RASA2: variants seen among roughly 807,000 people sequenced by gnomAD.
The protein encoded by RASA2 is RAS p21 protein activator 2, also known as ras GTPase-activating protein 2.
Under a neutral mutation model 118.2 loss-of-function variants are expected in RASA2, and 155 were observed. The ratio of observed to expected loss-of-function variants is 1.31; its 90% CI spans 1.15 to 1.50. The LOEUF (loss-of-function observed/expected upper bound fraction) is 1.50, where lower values mean the gene tolerates loss of function less well. Among genes scored for constraint, RASA2 ranks in the 40% most tolerant of loss-of-function variants. The pLI, the probability that RASA2 is intolerant of heterozygous loss-of-function variation, is 0.00. For synonymous variants in RASA2, 353 were observed against 349.1 expected (o/e 1.01, Z -0.12); for missense variants, 1,016 against 1,009.6 (o/e 1.01, Z -0.09).
intron 5 of RASA2, among the ~76,000 whole-genome samples, chr3:141,546,935 C>T (rs2082494630): frequency 6.6e-6 from 1 of 152,078 alleles, no homozygotes. Context: ...TTTTTCCCAG[C>T]ACCATTTATT....
chr3:141,610,047 A>C lies in RASA2; in HGVS notation c.2500A>C (p.Ser834Arg). The change falls in exon 23 of 24, where the codon AGT becomes CGT. Residue 834 changes from serine to arginine, a missense_variant. Physicochemically the swap from Ser to Arg is moderately radical, Grantham distance 110. Around this residue, in one of 2 missense-constraint regions of RASA2, gnomAD observed 120 missense variants for 173.2 expected, o/e 0.69. Transcript: ENST00000286364. ...HEKYRKKRSS[S>R]AKYGSKENPI... ...AAAATATAGGAAGAAAAGATCCAGT[A>C]GTGCAAAATATGGGAGCAAGTGAGT... 1 of 1,589,680 alleles carries C rather than the reference A, an allele frequency of 6.3e-7. No homozygotes were observed. The highest frequency in any genetic ancestry group is 8.5e-7 in the Non-Finnish European group (1 of 1,169,662).
chr3:141,573,967 C>G lies in RASA2; in HGVS notation c.1383C>G (p.Asp461Glu). The change falls in exon 14 of 24, where the codon GAC becomes GAG. Residue 461 changes from aspartate (D) to glutamate (E), a missense_variant. Coordinates refer to ENST00000286364, the MANE Select transcript of RASA2 (RefSeq NM_006506.5). ...NNKENLRYYV[D>E]KLFNTIVKSS... ...AGGAGAATCTGCGCTACTATGTAGA[C>G]AAGTTATTCAATACAATTGTAAAAT... The G allele has an allele frequency of 6.3e-7, 1 of 1,586,294 alleles. No individual in the cohort carries two copies. The highest frequency in any genetic ancestry group is 8.6e-7 in the Non-Finnish European group (1 of 1,162,778).
chr3:141,580,085 A>AATATATAT (rs1207351331), intron 15 of RASA2, among the ~76,000 whole-genome samples: 213 of 59,544 alleles, frequency 3.6e-3, no homozygotes, highest in South Asian at 0.011. Flanking sequence ...AAAAAAAAAA[A>AATATATAT]ATATATATAT....
At chr3:141,581,028 T>C (rs2083105486) in intron 16 of RASA2, 72 bp from the exon 17 acceptor site, 1 of 1,401,048 alleles carries the variant, frequency 7.1e-7, no homozygotes, top group Non-Finnish European at 9.3e-7. Context: ...AATCCTCAGC[T>C]TAAAAATACA....
In RASA2 at chr3:141,613,236, G is replaced by C. The variant is rs550922577; in HGVS notation, c.*923G>C. ...TGATCTTCCTCGAGAACAGTCACTT[G>C]GCGCACTTTAATAATCTGGACTGCT... is the stretch of plus-strand genomic sequence containing the variant. On this transcript the variant is annotated 3_prime_UTR_variant, in exon 24 of 24. Coordinates refer to ENST00000286364, the MANE Select transcript of RASA2 (RefSeq NM_006506.5). 1 of 152,256 alleles carries C rather than the reference G, an allele frequency of 6.6e-6. No individual in the cohort carries two copies. Among genetic ancestry groups the C allele is most frequent in the African/African-American group, 2.4e-5 (1 of 41,544 alleles). The allele number at this position is 152,256 out of a possible 1,614,324, so 9.4% of individuals were successfully genotyped here.
At chr3:141,597,733 A>AG in intron 19 of RASA2, among the ~76,000 whole-genome samples, 1 of 152,326 alleles carries the variant, frequency 6.6e-6, no homozygotes, top group South Asian at 2.1e-4. Flanking sequence ...TGGCAAAAAT[A>AG]AAGATGAGAG....
chr3:141,557,184 G>A (rs2082663002), intron 7 of RASA2, among the ~76,000 whole-genome samples: 2 of 152,314 alleles, frequency 1.3e-5, no homozygotes, highest in African/African-American at 4.8e-5. Context: ...AGGAGTACTT[G>A]TTAGGCCTTG....
At chr3:141,567,817 T>C (rs1250109668) in intron 9 of RASA2, among the ~76,000 whole-genome samples, 1 of 152,194 alleles carries the variant, frequency 6.6e-6, no homozygotes, top group Non-Finnish European at 1.5e-5. Flanking sequence ...TGAACAATTG[T>C]ATAAACAGAG....
intron 14 of RASA2, among the ~76,000 whole-genome samples, chr3:141,575,968 G>A (rs975957743): frequency 6.6e-6 from 1 of 152,038 alleles, no homozygotes; most frequent in African/African-American, 2.4e-5. Flanking sequence ...GTATAGATGG[G>A]GTTTCTCCAT....
chr3:141,490,090 A>C (rs1318382725), intron 1 of RASA2, among the ~76,000 whole-genome samples: 1 of 151,736 alleles, frequency 6.6e-6, no homozygotes, highest in Non-Finnish European at 1.5e-5. Flanking sequence ...AAGACAAAAT[A>C]TTGTCAGCAA....
chr3:141,522,105 A>G (rs777865339), intron 3 of RASA2, among the ~76,000 whole-genome samples: 2 of 152,096 alleles, frequency 1.3e-5, no homozygotes, highest in Non-Finnish European at 2.9e-5. Context: ...TTTTAATTAC[A>G]TGAGTAATGT....
chr3:141,586,743 A>G lies in RASA2; in HGVS notation c.1924A>G (p.Lys642Glu), dbSNP rs956912177. 9 of 1,610,534 alleles carry G rather than the reference A, an allele frequency of 5.6e-6. No homozygotes were observed. The highest frequency in any genetic ancestry group is 7.6e-6 in the Non-Finnish European group (9 of 1,176,936). Residue 642 changes from lysine (K) to glutamate (E), a missense_variant, in exon 19 of 24, where the codon AAA (lysine) becomes GAA (glutamate). Physicochemically the swap from Lys to Glu is moderately conservative, Grantham distance 56. Coordinates refer to ENST00000286364, the MANE Select transcript of RASA2 (RefSeq NM_006506.5). ...CLTSRELTYH[K>E]QPGKDAIYTI... ...AACAAGCAGAGAGCTCACCTACCAC[A>G]AACAGCCAGGTAGTTGTGTTTATGC...
intron 4 of RASA2, among the ~76,000 whole-genome samples, chr3:141,533,237 T>C (rs1168950321): frequency 1.3e-5 from 2 of 152,100 alleles, no homozygotes; most frequent in Non-Finnish European, 2.9e-5. Flanking sequence ...TCAATCTAAT[T>C]TGATATGGTT....
At chr3:141,570,238 G>C (rs1577755871) in intron 9 of RASA2, among the ~76,000 whole-genome samples, 1 of 149,852 alleles carries the variant, frequency 6.7e-6, no homozygotes, top group Admixed American at 6.6e-5. Context: ...TTGAGACGAA[G>C]TCTTGCTCTG....
intron 3 of RASA2, among the ~76,000 whole-genome samples, chr3:141,527,201 G>A (rs2082197221): frequency 6.6e-6 from 1 of 152,004 alleles, no homozygotes; most frequent in Non-Finnish European, 1.5e-5. Flanking sequence ...TTAGAATTTG[G>A]GACTTGTTTT....
intron 3 of RASA2, among the ~76,000 whole-genome samples, chr3:141,526,807 A>G (rs2082191638): frequency 6.6e-6 from 1 of 152,242 alleles, no homozygotes; most frequent in Non-Finnish European, 1.5e-5. Context: ...GCAGCTAGTC[A>G]GAGAAGGGTT....
At chr3:141,605,657 TC>T (rs940939932) in intron 19 of RASA2, among the ~76,000 whole-genome samples, 9 of 151,806 alleles carry the variant, frequency 5.9e-5, no homozygotes, top group Non-Finnish European at 1.2e-4. Context: ...ATAGGTCTCT[TC>T]CCCCCCAATT....
At position 141,529,753 on chromosome 3, in the gene RASA2, A is replaced by G. The variant is rs2082233974; in HGVS notation, c.401A>G (p.Lys134Arg). The change falls in exon 4 of 24, where the codon AAA (lysine) becomes AGA (arginine). Residue 134 changes from lysine (K) to arginine (R), a missense_variant. Lys to Arg is a conservative substitution (Grantham distance 26). Transcript: ENST00000286364. ...GAAGACTTGTGTAATCACAGTGGCA[A>G]AGAAACTTGGTTTTCATTACAGCCT... is the stretch of plus-strand genomic sequence containing the variant. ...KKEDLCNHSG[K>R]ETWFSLQPVD... The G allele has an allele frequency of 1.9e-6, 3 of 1,612,646 alleles. No individual in the cohort carries two copies. Among genetic ancestry groups the G allele is most frequent in the South Asian group, 2.2e-5 (2 of 91,048 alleles).
At chr3:141,584,515 G>A (rs942237067) in intron 17 of RASA2, among the ~76,000 whole-genome samples, 1 of 152,008 alleles carries the variant, frequency 6.6e-6, no homozygotes, top group African/African-American at 2.4e-5. Flanking sequence ...AAATTTTCTT[G>A]ATGGGAAGTT....
Sources: gnomAD v4.1 joint callset for allele counts (sites outside exome capture counted in the v4.1 genomes callset) on GRCh38, gnomAD v4.1.1 for gene constraint, gnomAD v4.1.1 regional missense constraint, MANE v1.5 for transcripts, NCBI Gene and HGNC (gene_info 2026-07-23, HGNC 2026-07-21) for gene names.